GRID2: variants seen among roughly 807,000 people sequenced by gnomAD.
The protein encoded by GRID2 is glutamate ionotropic receptor delta type subunit 2.
In GRID2, 33 loss-of-function variants were observed where a neutral mutation model predicts 114.8. The ratio of observed to expected loss-of-function variants is 0.29; its 90% CI spans 0.22 to 0.38. The LOEUF (loss-of-function observed/expected upper bound fraction) is 0.38, where lower values mean the gene tolerates loss of function less well. Among genes scored for constraint, GRID2 ranks in the 10% least tolerant of loss-of-function variants. GRID2 has a pLI of 1.00. For synonymous variants in GRID2, 505 were observed against 449.9 expected (o/e 1.12, Z -1.55); for missense variants, 1,184 against 1,257.7 (o/e 0.94, Z 0.89).
chr4:92,816,605 T>G (rs1331060657), intron 2 of GRID2, among the ~76,000 whole-genome samples: 1 of 152,074 alleles, frequency 6.6e-6, no homozygotes. Context: ...ATTACAAATA[T>G]CTTAAGTATT....
chr4:93,800,127 C>T (rs192136941), intron 1 of GRID2, among the ~76,000 whole-genome samples: 39 of 152,252 alleles, frequency 2.6e-4, no homozygotes, highest in African/African-American at 7.5e-4. Flanking sequence ...TTGACGATAA[C>T]GCCTCACAGG....
chr4:93,489,470 G>A (rs952279921), intron 11 of GRID2, among the ~76,000 whole-genome samples: 2 of 151,876 alleles, frequency 1.3e-5, no homozygotes, highest in Admixed American at 6.6e-5. Context: ...AAAGAGTCCT[G>A]GGAAGCCACT....
chr4:93,079,413 A>G (rs1180042412), intron 2 of GRID2, among the ~76,000 whole-genome samples: 1 of 151,470 alleles, frequency 6.6e-6, no homozygotes, highest in African/African-American at 2.4e-5. Flanking sequence ...TTTCTTTTTT[A>G]TATCTAGGAG....
rs893197615 is a variant in GRID2 at position 93,629,183 on chromosome 4, C to A, written c.2360+2748C>A. 7.7e-5 allele frequency among the ~76,000 whole-genome samples: 9 copies of A among 116,832 alleles called. No homozygotes were observed. In the Admixed American group the frequency reaches 7.8e-4, roughly 10 times the overall value. 76.6% of individuals were successfully genotyped at this position (116,832 alleles called of 152,430 possible). A position where few individuals can be genotyped will look rare whatever the true frequency, so the allele number is the denominator to read the frequency against. ...ATTAGCCCTGCAGTGCTTTACCTAT[C>A]AGAGATTTTAATTCTCAGAAAATGT... On this transcript the variant is annotated intron_variant, in intron 14 of 15. Transcript: ENST00000282020.
At chr4:92,658,088 C>T (rs776176935) in intron 2 of GRID2, among the ~76,000 whole-genome samples, 123 of 151,502 alleles carry the variant, frequency 8.1e-4, no homozygotes, top group Admixed American at 1.5e-3. Context: ...AGCTTCAGCC[C>T]TTATAAGTAA....
At chr4:92,429,171 G>T (rs983810511) in intron 1 of GRID2, among the ~76,000 whole-genome samples, 1 of 152,138 alleles carries the variant, frequency 6.6e-6, no homozygotes, top group African/African-American at 2.4e-5. Flanking sequence ...TTGATGGGGT[G>T]CATGAGATAT....
Position 93,513,562 on chromosome 4 carries a change from A to G in GRID2, c.1998-1654A>G, listed in dbSNP as rs6856834. ...TATAGCTTTAGTTTACCTTTTACAAATGGTAGAATCCGTTCAATATTTTAG... is the reference window on the plus strand; with the variant it reads ...TATAGCTTTAGTTTACCTTTTACAAGTGGTAGAATCCGTTCAATATTTTAG... On this transcript the variant is annotated intron_variant, in intron 12 of 15. Coordinates refer to ENST00000282020, the MANE Select transcript of GRID2 (RefSeq NM_001510.4). Among the ~76,000 whole-genome samples, 350 of 152,274 alleles carry G rather than the reference A, an allele frequency of 2.3e-3. 2 individuals are homozygous for G. The highest frequency in any genetic ancestry group is 7.9e-3 in the African/African-American group (328 of 41,548).
chr4:93,401,458 C>T lies in GRID2; in HGVS notation c.1347+5750C>T, dbSNP rs1245999976. Among the ~76,000 whole-genome samples the T allele has an allele frequency of 3.9e-5, 6 of 152,130 alleles. No homozygotes were observed. In the East Asian group the frequency reaches 1.2e-3, roughly 29 times the overall value. ...AGTGATGTGTAAAATAGTTGCACATCTTACAATAGGAAACATTTTAGATTA... is the reference window on the plus strand; with the variant it reads ...AGTGATGTGTAAAATAGTTGCACATTTTACAATAGGAAACATTTTAGATTA... On this transcript the variant is annotated intron_variant, in intron 9 of 15. Coordinates refer to ENST00000282020, the MANE Select transcript of GRID2 (RefSeq NM_001510.4).
At chr4:93,742,884 G>C (rs779231134) in intron 14 of GRID2, among the ~76,000 whole-genome samples, 1 of 152,084 alleles carries the variant, frequency 6.6e-6, no homozygotes, top group African/African-American at 2.4e-5. Context: ...AACAAAAAGA[G>C]TCTCTTTCAT....
chr4:93,364,112 C>A (rs1051859325), intron 8 of GRID2, among the ~76,000 whole-genome samples: 1 of 151,808 alleles, frequency 6.6e-6, no homozygotes, highest in African/African-American at 2.4e-5. Context: ...TTTTTTCTTT[C>A]TAAAAATCTG....
chr4:93,717,881 C>T (rs1729037784), intron 14 of GRID2, among the ~76,000 whole-genome samples: 1 of 152,112 alleles, frequency 6.6e-6, no homozygotes, highest in South Asian at 2.1e-4. Flanking sequence ...TACTTACTAT[C>T]TTGAGAGAGT....
At position 93,377,030 on chromosome 4, in the gene GRID2, G is replaced by A. The variant is rs1290374694; in HGVS notation, c.1246-18577G>A. 2.0e-5 allele frequency among the ~76,000 whole-genome samples: 3 copies of A among 152,232 alleles called. No homozygotes were observed. In the East Asian group the frequency reaches 5.8e-4, roughly 29 times the overall value. ...TTGGGAAGTATGATAATGGTGTCAT[G>A]ATTATGTTTTAAAGGACTTCTTAAC... On this transcript the variant is annotated intron_variant, in intron 8 of 15. Transcript: ENST00000282020.
intron 2 of GRID2, among the ~76,000 whole-genome samples, chr4:93,063,274 A>T (rs920245905): frequency 6.6e-6 from 1 of 151,914 alleles, no homozygotes; most frequent in Non-Finnish European, 1.5e-5. Flanking sequence ...CTCACATCTG[A>T]TAATTCTGTA....
intron 2 of GRID2, among the ~76,000 whole-genome samples, chr4:93,044,222 G>C (rs1176156813): frequency 6.6e-6 from 1 of 152,044 alleles, no homozygotes; most frequent in East Asian, 1.9e-4. Context: ...GACATCTTCA[G>C]TTTATTTCTC....
At chr4:92,354,894 C>T (rs1027582128) in intron 1 of GRID2, among the ~76,000 whole-genome samples, 4 of 151,892 alleles carry the variant, frequency 2.6e-5, no homozygotes, top group Non-Finnish European at 5.9e-5. Flanking sequence ...CACCTCCCAC[C>T]TTTATTACGC....
At chr4:93,129,466 C>T (rs1038408308) in intron 4 of GRID2, among the ~76,000 whole-genome samples, 9 of 151,990 alleles carry the variant, frequency 5.9e-5, no homozygotes, top group Admixed American at 1.3e-4. Context: ...ATTCTGGCAT[C>T]GAGATTTTTA....
intron 2 of GRID2, among the ~76,000 whole-genome samples, chr4:92,935,338 C>G (rs1051400298): frequency 3.4e-5 from 5 of 146,876 alleles, no homozygotes; most frequent in African/African-American, 9.7e-5. Context: ...CAATGAGATA[C>G]CATCTCACAC....
At chr4:92,765,561 C>G (rs1157902901) in intron 2 of GRID2, among the ~76,000 whole-genome samples, 1 of 151,754 alleles carries the variant, frequency 6.6e-6, no homozygotes, top group Non-Finnish European at 1.5e-5. Flanking sequence ...GATAGCTTCT[C>G]ACAGCCAGAC....
At chr4:93,302,939 A>C (rs753176274) in intron 8 of GRID2, among the ~76,000 whole-genome samples, 1 of 152,184 alleles carries the variant, frequency 6.6e-6, no homozygotes, top group Non-Finnish European at 1.5e-5. Context: ...CAACTACCTG[A>C]GACTGGGTAA....
Sources: allele counts gnomAD v4.1 joint callset (sites outside exome capture counted in the v4.1 genomes callset), GRCh38; gene constraint gnomAD v4.1.1; transcripts MANE v1.5; gene names NCBI Gene and HGNC (gene_info 2026-07-23, HGNC 2026-07-21).